ATRX: variants seen among roughly 807,000 people sequenced by gnomAD.
ATRX encodes the protein chromatin remodeler ATRX.
Under a neutral mutation model 172.6 loss-of-function variants are expected in ATRX, and 12 were observed. That is an observed-to-expected ratio of 0.07 (90% confidence interval 0.04 to 0.11). The LOEUF (loss-of-function observed/expected upper bound fraction) is 0.11, where lower values mean the gene tolerates loss of function less well. Among genes scored for constraint, ATRX ranks in the 10% least tolerant of loss-of-function variants. ATRX has a pLI of 1.00. For synonymous variants in ATRX, 674 were observed against 594.7 expected (o/e 1.13, Z -1.94); for missense variants, 1,368 against 1,767.4 (o/e 0.77, Z 4.05).
intron 1 of ATRX, among the ~76,000 whole-genome samples, chrX:77,746,511 G>C (rs2078667274): frequency 8.9e-6 from 1 of 111,754 alleles, no homozygotes; most frequent in South Asian, 3.7e-4. Context: ...TGTCCGTCTG[G>C]TTAAACTTAT....
Position 77,681,457 on chromosome X carries a change from AAC to A in ATRX, c.3736+61_3736+62del, listed in dbSNP as rs45577534. On this transcript the variant is annotated intron_variant, in intron 9 of 34. Coordinates refer to ENST00000373344, the MANE Select transcript of ATRX (RefSeq NM_000489.6). ...ATTTGATTAGCTTCAGAGGAAATTAAACAATGTAGTAACTCAAGAGGGGGAAG... is the reference window on the plus strand; with the variant it reads ...ATTTGATTAGCTTCAGAGGAAATTAAAATGTAGTAACTCAAGAGGGGGAAG... 53,361 of 1,075,325 alleles carry A rather than the reference AAC, an allele frequency of 0.05. 1,076 individuals carry two copies. Among genetic ancestry groups the A allele is most frequent in the Non-Finnish European group, 0.06 (46,742 of 775,681 alleles). 88.6% of individuals were successfully genotyped at this position (1,075,325 alleles called of 1,213,427 possible). A position where few individuals can be genotyped will look rare whatever the true frequency, so the allele number is the denominator to read the frequency against.
intron 30 of ATRX, among the ~76,000 whole-genome samples, chrX:77,544,506 C>T (rs1198456258): frequency 2.9e-4 from 32 of 109,240 alleles, no homozygotes; most frequent in African/African-American, 8.3e-4. Flanking sequence ...CATGCTGGTG[C>T]GCTGCACCCA....
chrX:77,527,267 G>C (rs781871370), intron 30 of ATRX, among the ~76,000 whole-genome samples: 18 of 111,885 alleles, frequency 1.6e-4, no homozygotes, highest in Admixed American at 9.4e-5. Flanking sequence ...GGCATGAAAA[G>C]GGGTGAATGA....
chrX:77,758,765 A>G (rs1430868309), intron 1 of ATRX, among the ~76,000 whole-genome samples: 3 of 111,688 alleles, frequency 2.7e-5, no homozygotes, highest in Non-Finnish European at 5.6e-5. Flanking sequence ...CTCAAAAAAA[A>G]AAAGCTAACA....
At chrX:77,604,870 C>T (rs925465233) in intron 22 of ATRX, among the ~76,000 whole-genome samples, 16 of 111,606 alleles carry the variant, frequency 1.4e-4, no homozygotes, top group Non-Finnish European at 2.4e-4. Context: ...GAACTGGAGG[C>T]CATTATCTTA....
intron 1 of ATRX, among the ~76,000 whole-genome samples, chrX:77,719,820 G>A (rs1411550063): frequency 9.0e-6 from 1 of 111,182 alleles, no homozygotes; most frequent in Non-Finnish European, 1.9e-5. Flanking sequence ...ACTCAGCTCT[G>A]GACCAAGCAG....
intron 22 of ATRX, chrX:77,600,777 GTAC>G (rs782617703): frequency 3.0e-6 from 1 of 334,052 alleles, no homozygotes; most frequent in South Asian, 5.3e-5. Context: ...TAAAGAATTT[GTAC>G]TACAGAAATA....
chrX:77,568,706 A>G (rs1245184121), intron 28 of ATRX, among the ~76,000 whole-genome samples: 6 of 111,877 alleles, frequency 5.4e-5, no homozygotes, highest in African/African-American at 1.3e-4. Context: ...ATATCTCTCA[A>G]CAAAGTATTA....
intron 1 of ATRX, chrX:77,785,738 C>A: frequency 1.4e-6 from 1 of 711,258 alleles, no homozygotes; most frequent in Non-Finnish European, 1.8e-6. Flanking sequence ...GGGGAGATTG[C>A]AAGAAGCGCC....
At chrX:77,645,637 GATAC>G (rs781880083) in intron 15 of ATRX, among the ~76,000 whole-genome samples, 65 of 112,142 alleles carry the variant, frequency 5.8e-4, no homozygotes, top group African/African-American at 2.1e-3. Context: ...TCCTAGAAGA[GATAC>G]ATACAGGGGC....
chrX:77,525,779 T>C (rs947649025), intron 30 of ATRX, among the ~76,000 whole-genome samples: 1 of 112,373 alleles, frequency 8.9e-6, no homozygotes. Flanking sequence ...CAGGATGATA[T>C]GAAAATACCA....
intron 15 of ATRX, among the ~76,000 whole-genome samples, chrX:77,642,774 A>G (rs2068719335): frequency 8.9e-6 from 1 of 112,082 alleles, no homozygotes; most frequent in African/African-American, 3.2e-5. Flanking sequence ...TTTCTGAACC[A>G]ACTTTGTCAG....
chrX:77,557,810 T>G (rs2064857797), intron 29 of ATRX, among the ~76,000 whole-genome samples, 165 bp from the exon 30 acceptor site: 1 of 111,922 alleles, frequency 8.9e-6, no homozygotes, highest in Non-Finnish European at 1.9e-5. Context: ...TCATGAAAGA[T>G]TTCATCTGTT....
intron 28 of ATRX, among the ~76,000 whole-genome samples, chrX:77,570,376 T>C (rs2065368543): frequency 9.2e-6 from 1 of 108,314 alleles, no homozygotes; most frequent in Non-Finnish European, 1.9e-5. Context: ...GGTCTCGCTG[T>C]GATGCTCAGG....
At chrX:77,669,387 G>A (rs1398421120) in intron 10 of ATRX, among the ~76,000 whole-genome samples, 1 of 109,921 alleles carries the variant, frequency 9.1e-6, no homozygotes, top group African/African-American at 3.3e-5. Flanking sequence ...AACCTGGAGT[G>A]AGGGAGGCTC....
At chrX:77,714,430 T>C (rs1337577983) in intron 2 of ATRX, among the ~76,000 whole-genome samples, 1 of 111,886 alleles carries the variant, frequency 8.9e-6, no homozygotes, top group Non-Finnish European at 1.9e-5. Flanking sequence ...AGAAAACATA[T>C]TAAGTTTTGA....
chrX:77,520,608 T>C, intron 34 of ATRX, among the ~76,000 whole-genome samples, 180 bp downstream of exon 34: 1 of 112,167 alleles, frequency 8.9e-6, no homozygotes, highest in Non-Finnish European at 1.9e-5. Context: ...TGCATTTTTG[T>C]AACAAAATAT....
chrX:77,541,210 A>C (rs192029401), intron 30 of ATRX, among the ~76,000 whole-genome samples: 133 of 112,459 alleles, frequency 1.2e-3, no homozygotes, highest in Non-Finnish European at 2.0e-3. Context: ...ATAAACTAGA[A>C]AATCTAGAAG....
chrX:77,695,999 T>C (rs1459189125), intron 5 of ATRX, among the ~76,000 whole-genome samples: 7 of 112,100 alleles, frequency 6.2e-5, no homozygotes, highest in Non-Finnish European at 1.9e-5. Flanking sequence ...GTCCAAGATA[T>C]TCATTTGGCT....
Sources: gnomAD v4.1 joint callset for allele counts (sites outside exome capture counted in the v4.1 genomes callset) on GRCh38, gnomAD v4.1.1 for gene constraint, MANE v1.5 for transcripts, NCBI Gene and HGNC (gene_info 2026-07-23, HGNC 2026-07-21) for gene names.